BMPER: variants seen among roughly 807,000 people sequenced by gnomAD.
BMPER encodes the protein BMP binding endothelial regulator.
A neutral mutation model predicts 87.3 loss-of-function variants in BMPER; 45 were observed. The observed-to-expected ratio is 0.52, with a 90% confidence interval of 0.41 to 0.66. BMPER has a LOEUF of 0.66. Ranked by LOEUF, BMPER falls within the 30% of genes least tolerant of loss-of-function variation. The probability of loss-of-function intolerance (pLI) is 0.00; values close to 1 mark genes in which losing one functional copy is unlikely to be tolerated. For missense variants in BMPER, 784 were observed against 867.5 expected (o/e 0.90, Z 1.21); for synonymous variants, 326 against 316.2 (o/e 1.03, Z -0.33).
At chr7:33,982,050 A>G (rs73327178) in intron 6 of BMPER, among the ~76,000 whole-genome samples, 1 of 152,072 alleles carries the variant, frequency 6.6e-6, no homozygotes. Flanking sequence ...TACAGGAGAC[A>G]TGACTGACCT....
intron 3 of BMPER, among the ~76,000 whole-genome samples, chr7:33,957,321 G>T (rs1158328529): frequency 6.6e-6 from 1 of 150,822 alleles, no homozygotes; most frequent in African/African-American, 2.4e-5. Flanking sequence ...TTGGAGCTCA[G>T]AAGAATTATT....
At chr7:33,920,418 GTGTTTTT>G (rs1427856105) in intron 2 of BMPER, among the ~76,000 whole-genome samples, 1 of 99,940 alleles carries the variant, frequency 1.0e-5, no homozygotes, top group East Asian at 3.3e-4. Context: ...AAACTCCGTT[GTGTTTTT>G]TTTTTTTTTT....
chr7:33,984,706 T>A (rs1377090153), intron 6 of BMPER, among the ~76,000 whole-genome samples: 1 of 152,236 alleles, frequency 6.6e-6, no homozygotes, highest in Non-Finnish European at 1.5e-5. Flanking sequence ...TTTATAGATT[T>A]GAGTGAAATT....
chr7:34,121,423 G>A (rs1214364476), intron 13 of BMPER, among the ~76,000 whole-genome samples: 1 of 152,128 alleles, frequency 6.6e-6, no homozygotes, highest in Non-Finnish European at 1.5e-5. Context: ...AGTACTTAAT[G>A]TTTATAATTT....
chr7:34,048,483 C>T lies in BMPER; in HGVS notation c.676+2078C>T, dbSNP rs189149312. On this transcript the variant is annotated intron_variant, in intron 7 of 14. Coordinates refer to ENST00000649409, the MANE Select transcript of BMPER (RefSeq NM_001365308.1). ...TTGGGTTGCCAGTGTGTGTCAGTGT[C>T]CCTGGGATAGGGTTAGCCAGTTCAG... 2.5e-3 allele frequency among the ~76,000 whole-genome samples: 384 copies of T among 152,280 alleles called. 2 individuals carry two copies. The highest frequency in any genetic ancestry group is 3.3e-3 in the Non-Finnish European group (226 of 68,016).
In BMPER at chr7:33,993,573, C is replaced by T. The variant is rs1273540632; in HGVS notation, c.576+18789C>T. Among the ~76,000 whole-genome samples, 5 of 151,752 alleles carry T rather than the reference C, an allele frequency of 3.3e-5. No individual in the cohort carries two copies. The East Asian group carries it at 5.8e-4, about 18-fold the overall frequency. On this transcript the variant is annotated intron_variant, in intron 6 of 14. Transcript: ENST00000649409. ...TTTGCCTTTGGTTTGAATGTCCTCC[C>T]GTAGCTCAGAGTAATTTGATCGTCT...
intron 13 of BMPER, among the ~76,000 whole-genome samples, chr7:34,123,175 G>A (rs1790305170): frequency 1.3e-5 from 2 of 152,116 alleles, no homozygotes; most frequent in Admixed American, 1.3e-4. Context: ...TGTGTAATGT[G>A]CAATTTTAAG....
chr7:34,138,840 C>T (rs1424832164), intron 13 of BMPER, among the ~76,000 whole-genome samples: 1 of 152,154 alleles, frequency 6.6e-6, no homozygotes, highest in Non-Finnish European at 1.5e-5. Flanking sequence ...TCAAACAGAA[C>T]ATAAATGTGA....
chr7:34,101,217 G>A (rs188943880), intron 13 of BMPER, among the ~76,000 whole-genome samples: 17 of 152,276 alleles, frequency 1.1e-4, no homozygotes, highest in Middle Eastern at 3.4e-3. Flanking sequence ...GAAGCATCAC[G>A]ACGTTTTTTT....
chr7:34,107,486 A>G (rs1324510172), intron 13 of BMPER, among the ~76,000 whole-genome samples: 1 of 152,218 alleles, frequency 6.6e-6, no homozygotes, highest in East Asian at 1.9e-4. Context: ...AACATCCTCC[A>G]GGGACCAAAT....
rs766653842 is a variant in BMPER at position 34,079,228 on chromosome 7, C to T, written c.1408+42C>T. 1.9e-6 allele frequency: 3 copies of T among 1,609,490 alleles called. No individual in the cohort carries two copies. In the South Asian group the frequency reaches 3.3e-5, roughly 18 times the overall value. On this transcript the variant is annotated intron_variant, in intron 12 of 14. Coordinates refer to ENST00000649409, the MANE Select transcript of BMPER (RefSeq NM_001365308.1). ...CTCCCTCTTGCTCTAGCCTCCGCCT[C>T]ACTTACCCGTTCAGCAGCACTGCTC...
chr7:33,980,743 G>T (rs1785833096), intron 6 of BMPER, among the ~76,000 whole-genome samples: 1 of 152,164 alleles, frequency 6.6e-6, no homozygotes, highest in Non-Finnish European at 1.5e-5. Flanking sequence ...AACCGGCCAA[G>T]ATCAATTACT....
chr7:33,913,100 A>G (rs771798539), intron 2 of BMPER, among the ~76,000 whole-genome samples: 5 of 152,206 alleles, frequency 3.3e-5, no homozygotes, highest in Non-Finnish European at 7.3e-5. Context: ...TAATAGACTC[A>G]AACCCCTGTA....
chr7:33,972,579 C>T (rs1785576557), intron 5 of BMPER, among the ~76,000 whole-genome samples: 1 of 152,050 alleles, frequency 6.6e-6, no homozygotes, highest in African/African-American at 2.4e-5. Flanking sequence ...TAAGCGCCTG[C>T]CTGAGGTCCG....
chr7:33,939,900 G>T (rs1585657749), intron 3 of BMPER: 2 of 228,678 alleles, frequency 8.7e-6, no homozygotes, highest in Admixed American at 4.7e-5. Flanking sequence ...GGGCCCTGGG[G>T]TGGATGTTAA....
Position 34,143,224 on chromosome 7 carries a change from C to T in BMPER, c.1746-6C>T, listed in dbSNP as rs1338783814. 9 of 1,613,858 alleles carry T rather than the reference C, an allele frequency of 5.6e-6. No homozygotes were observed. The highest frequency in any genetic ancestry group is 7.6e-6 in the Non-Finnish European group (9 of 1,179,860). On this transcript the variant is annotated splice_polypyrimidine_tract_variant and splice_region_variant and intron_variant, in intron 13 of 14. Transcript: ENST00000649409. ...AATGTTTCTATCTCTCTTTTGGGTC[C>T]TATAGGTCCTGTGTGACAGACATGT...
In BMPER at chr7:34,106,189, T is replaced by C. The variant is rs528609144; in HGVS notation, c.1745+20097T>C. ...ATCCAATGTGCTCTTGTTGGGTTCA[T>C]ATTTTTATTAGGAGAGACCTTAAGT... On this transcript the variant is annotated intron_variant, in intron 13 of 14. Coordinates refer to ENST00000649409, the MANE Select transcript of BMPER (RefSeq NM_001365308.1). 1.2e-4 allele frequency among the ~76,000 whole-genome samples: 18 copies of C among 152,330 alleles called. 1 individual carries two copies. The South Asian group carries it at 3.7e-3, about 32-fold the overall frequency.
Position 33,974,610 on chromosome 7 carries a change from G to T in BMPER, c.494-92G>T, listed in dbSNP as rs1412553442. On this transcript the variant is annotated intron_variant, in intron 5 of 14. Coordinates refer to ENST00000649409, the MANE Select transcript of BMPER (RefSeq NM_001365308.1). ...GAAGAGGACACTCAGCTGTGTGGAGGTGGGCAACGGATGAACTGTGGATAG... is the reference window on the plus strand; with the variant it reads ...GAAGAGGACACTCAGCTGTGTGGAGTTGGGCAACGGATGAACTGTGGATAG... 2.4e-6 allele frequency: 3 copies of T among 1,247,810 alleles called. No individual in the cohort carries two copies. In the African/African-American group the frequency reaches 4.4e-5, roughly 18 times the overall value. 77.3% of individuals were successfully genotyped at this position (1,247,810 alleles called of 1,614,324 possible).
intron 6 of BMPER, among the ~76,000 whole-genome samples, chr7:34,037,540 G>A (rs1044822763): frequency 6.6e-6 from 1 of 152,178 alleles, no homozygotes; most frequent in Non-Finnish European, 1.5e-5. Context: ...GACCATGAGA[G>A]GACATTGATG....
Sources: allele counts gnomAD v4.1 joint callset (sites outside exome capture counted in the v4.1 genomes callset), GRCh38; gene constraint gnomAD v4.1.1; transcripts MANE v1.5; gene names NCBI Gene and HGNC (gene_info 2026-07-23, HGNC 2026-07-21).